Variants in GRIP1 observed in about 807,000 individuals in gnomAD.
The protein encoded by GRIP1 is glutamate receptor-interacting protein 1.
Under a neutral mutation model 129.9 loss-of-function variants are expected in GRIP1, and 45 were observed. The observed-to-expected ratio is 0.35, with a 90% CI of 0.27 to 0.44. GRIP1 has a LOEUF of 0.44. GRIP1 is among the 20% of genes least tolerant of loss of function. The pLI is 1.00. For missense variants in GRIP1, 1,196 were observed against 1,396.8 expected (o/e 0.86, Z 2.29); for synonymous variants, 530 against 520.8 (o/e 1.02, Z -0.24).
At chr12:66,521,772 C>T (rs926541889) in intron 5 of GRIP1, among the ~76,000 whole-genome samples, 9 of 152,276 alleles carry the variant, frequency 5.9e-5, no homozygotes, top group Non-Finnish European at 8.8e-5. Flanking sequence ...GGGTGACAGA[C>T]GGCACCTGGA....
At chr12:66,721,437 G>A (rs961642557) in intron 1 of GRIP1, among the ~76,000 whole-genome samples, 1 of 151,994 alleles carries the variant, frequency 6.6e-6, no homozygotes, top group Non-Finnish European at 1.5e-5. Context: ...ACCACACCTG[G>A]CTAATTTTTG....
intron 1 of GRIP1, among the ~76,000 whole-genome samples, chr12:66,707,003 G>A (rs1028495670): frequency 9.3e-5 from 14 of 151,046 alleles, no homozygotes; most frequent in African/African-American, 2.7e-4. Flanking sequence ...AGAAATAAAG[G>A]AATAAAAAGA....
chr12:66,395,504 T>G (rs1043993399), intron 16 of GRIP1, among the ~76,000 whole-genome samples: 21 of 152,194 alleles, frequency 1.4e-4, no homozygotes, highest in African/African-American at 4.8e-4. Flanking sequence ...AGTTAACAAT[T>G]CAATTATTTG....
At chr12:66,455,994 AC>A (rs1003126529) in intron 10 of GRIP1, among the ~76,000 whole-genome samples, 192 bp downstream of exon 10, 3 of 152,226 alleles carry the variant, frequency 2.0e-5, no homozygotes, top group African/African-American at 7.2e-5. Flanking sequence ...AGCATTCTGA[AC>A]ATTTACATCC....
At chr12:66,957,836 G>A (rs1163615845) in intron 1 of GRIP1, among the ~76,000 whole-genome samples, 2 of 152,148 alleles carry the variant, frequency 1.3e-5, no homozygotes, top group South Asian at 4.2e-4. Flanking sequence ...CTACTCTTTG[G>A]AAGGAAGTCA....
chr12:66,617,793 G>T (rs1398830792), intron 1 of GRIP1, among the ~76,000 whole-genome samples: 2 of 150,084 alleles, frequency 1.3e-5, no homozygotes, highest in African/African-American at 4.9e-5. Flanking sequence ...TCACTCATAA[G>T]AAATGCATAT....
chr12:66,401,537 C>T (rs1227016160), intron 16 of GRIP1, among the ~76,000 whole-genome samples: 1 of 149,640 alleles, frequency 6.7e-6, no homozygotes, highest in African/African-American at 2.5e-5. Context: ...CGAGATTGTG[C>T]CATTGCACTC....
chr12:66,512,038 T>C (rs887620717), intron 7 of GRIP1, among the ~76,000 whole-genome samples: 1 of 152,110 alleles, frequency 6.6e-6, no homozygotes, highest in Non-Finnish European at 1.5e-5. Context: ...GCGTGGTGCT[T>C]CCTCTTTCTC....
Position 66,406,384 on chromosome 12 carries a change from T to C in GRIP1, c.1883A>G (p.Asn628Ser), listed in dbSNP as rs1488352792. The C allele has an allele frequency of 6.2e-7, 1 of 1,614,144 alleles. No individual in the cohort carries two copies. Among genetic ancestry groups the C allele is most frequent in the Non-Finnish European group, 8.5e-7 (1 of 1,179,966 alleles). ...ELGDKLLAID[N>S]IRLDNCSMED... ...CATGGAACAGTTGTCCAGCCGGATATTATCTATTGCGAGCAATTTATCCCC... is the reference window on the plus strand; with the variant it reads ...CATGGAACAGTTGTCCAGCCGGATACTATCTATTGCGAGCAATTTATCCCC... The change falls in exon 16 of 25, where the codon AAT becomes AGT. Residue 628 changes from asparagine to serine, a missense_variant. Physicochemically the swap from Asn to Ser is conservative, Grantham distance 46 (BLOSUM62 1). Coordinates refer to ENST00000359742, the MANE Select transcript of GRIP1 (RefSeq NM_001366722.1).
chr12:66,527,357 T>G (rs577396700), intron 5 of GRIP1, among the ~76,000 whole-genome samples: 1 of 152,050 alleles, frequency 6.6e-6, no homozygotes. Context: ...TAAAAAATGA[T>G]GAGTTCATGT....
rs755458052 is a variant in GRIP1 at position 66,827,387 on chromosome 12, T to TGTGTGTGTGTGAGA, written c.59-230461_59-230460insTCTCACACACACAC. Among the ~76,000 whole-genome samples, 638 of 108,268 alleles carry TGTGTGTGTGTGAGA rather than the reference T, an allele frequency of 5.9e-3. 3 individuals are homozygous for TGTGTGTGTGTGAGA. Among genetic ancestry groups the TGTGTGTGTGTGAGA allele is most frequent in the Non-Finnish European group, 9.8e-3 (522 of 53,280 alleles). The allele number at this position is 108,268 out of a possible 152,430, so 71.0% of individuals were successfully genotyped here. A position where few individuals can be genotyped will look rare whatever the true frequency, so the allele number is the denominator to read the frequency against. ...AGGTGTGTGTGTGTGTGTGTGTGTG[T>TGTGTGTGTGTGAGA]GAGAGAGAGAGAGAGAGAGAGAGAG... On this transcript the variant is annotated intron_variant, in intron 1 of 1. Transcript: ENST00000643019.
intron 1 of GRIP1, among the ~76,000 whole-genome samples, chr12:66,712,778 G>A (rs937034505): frequency 6.6e-6 from 1 of 151,900 alleles, no homozygotes; most frequent in African/African-American, 2.4e-5. Flanking sequence ...GATTAAATGA[G>A]ACAATAACAT....
intron 2 of GRIP1, among the ~76,000 whole-genome samples, chr12:66,544,872 C>T (rs1034941351): frequency 2.6e-5 from 4 of 151,972 alleles, no homozygotes; most frequent in African/African-American, 9.7e-5. Flanking sequence ...AGTGATCTAA[C>T]GAAGACAGAA....
At chr12:66,379,195 T>C in intron 20 of GRIP1, 85 bp downstream of exon 20, 1 of 1,288,390 alleles carries the variant, frequency 7.8e-7, no homozygotes, top group Non-Finnish European at 1.1e-6. Flanking sequence ...TAACAATATG[T>C]GCTACTGGAA....
At chr12:66,656,444 C>T (rs189026255) in intron 1 of GRIP1, among the ~76,000 whole-genome samples, 3 of 152,308 alleles carry the variant, frequency 2.0e-5, no homozygotes, top group Non-Finnish European at 1.5e-5. Flanking sequence ...TGAGTAGCTG[C>T]AGCCCTCCTT....
chr12:66,657,069 A>G (rs2033201483), intron 1 of GRIP1, among the ~76,000 whole-genome samples: 1 of 152,182 alleles, frequency 6.6e-6, no homozygotes, highest in Non-Finnish European at 1.5e-5. Context: ...AGAAAAAAAA[A>G]TGGGAGCAAT....
intron 1 of GRIP1, among the ~76,000 whole-genome samples, chr12:66,599,142 C>T (rs1046107152): frequency 6.6e-6 from 1 of 152,258 alleles, no homozygotes; most frequent in East Asian, 1.9e-4. Flanking sequence ...TCTCCATCAC[C>T]ACCCCCAACC....
intron 1 of GRIP1, among the ~76,000 whole-genome samples, chr12:66,653,880 G>A (rs1229451070): frequency 6.6e-6 from 1 of 152,212 alleles, no homozygotes; most frequent in Admixed American, 6.5e-5. Flanking sequence ...GAGGTGTCCA[G>A]TCCTACTGGG....
chr12:66,871,845 TTGACCTA>T (rs2040301786), intron 1 of GRIP1, among the ~76,000 whole-genome samples: 1 of 152,130 alleles, frequency 6.6e-6, no homozygotes, highest in African/African-American at 2.4e-5. Context: ...GTGGTTTTTC[TTGACCTA>T]TATAAATTGG....
Sources: gnomAD v4.1 joint callset for allele counts (sites outside exome capture counted in the v4.1 genomes callset) on GRCh38, gnomAD v4.1.1 for gene constraint, MANE v1.5 for transcripts, NCBI Gene and HGNC (gene_info 2026-07-23, HGNC 2026-07-21) for gene names.